SF3B3: variants seen among roughly 807,000 people sequenced by gnomAD.
SF3B3 encodes splicing factor 3b subunit 3.
SF3B3 carries 33 observed loss-of-function variants against 139.2 expected under a neutral mutation model. That is an observed-to-expected ratio of 0.24 (90% CI 0.18 to 0.32). SF3B3 has a LOEUF of 0.32. Ranked by LOEUF, SF3B3 falls within the 10% of genes least tolerant of loss-of-function variation. The pLI is 1.00. For synonymous variants in SF3B3, 596 were observed against 563.6 expected (o/e 1.06, Z -0.81); for missense variants, 818 against 1,509.4 (o/e 0.54, Z 7.59).
intron 16 of SF3B3, chr16:70,561,304 A>G (rs983894974): frequency 5.1e-6 from 1 of 195,010 alleles, no homozygotes. Context: ...TACAGGCATG[A>G]GCCACCGCAC....
At chr16:70,548,707 G>A (rs538415423) in intron 11 of SF3B3, among the ~76,000 whole-genome samples, 6 of 152,318 alleles carry the variant, frequency 3.9e-5, no homozygotes, top group South Asian at 2.1e-4. Flanking sequence ...GCTGTCAAAT[G>A]TGGTATTGAC....
Position 70,535,437 on chromosome 16 carries a change from A to G in SF3B3, c.825+17A>G. 7.3e-7 allele frequency: 1 copy of G among 1,374,992 alleles called. No homozygotes were observed. The highest frequency in any genetic ancestry group is 1.0e-6 in the Non-Finnish European group (1 of 970,710). 85.2% of individuals were successfully genotyped at this position (1,374,992 alleles called of 1,614,324 possible). A position where few individuals can be genotyped will look rare whatever the true frequency, so the allele number is the denominator to read the frequency against. On this transcript the variant is annotated intron_variant, in intron 6 of 25. Coordinates refer to ENST00000302516, the MANE Select transcript of SF3B3 (RefSeq NM_012426.5). Reference sequence around the variant, plus strand: ...AGGAGGCGGGTAAGATCTTTGATATAAGAAGAGAGAGATTTGTGTTTAATT... The same window carrying G: ...AGGAGGCGGGTAAGATCTTTGATATGAGAAGAGAGAGATTTGTGTTTAATT...
Position 70,523,827 on chromosome 16 carries a change from G to A in SF3B3, c.-172G>A. 1 of 564,168 alleles carries A rather than the reference G, an allele frequency of 1.8e-6. No individual in the cohort carries two copies. Among genetic ancestry groups the A allele is most frequent in the East Asian group, 2.9e-5 (1 of 33,902 alleles). 34.9% of individuals were successfully genotyped at this position (564,168 alleles called of 1,614,324 possible). A position where few individuals can be genotyped will look rare whatever the true frequency, so the allele number is the denominator to read the frequency against. On this transcript the variant is annotated 5_prime_UTR_variant, in exon 1 of 26. Transcript: ENST00000302516. The stretch of plus-strand genomic sequence containing the variant: ...CGCGCCACCAGAATGTCCCTGTCTT[G>A]AGGTCTAATGGCGGACGCCAGTATG...
At chr16:70,557,413 G>T (rs1597719744) in intron 15 of SF3B3, among the ~76,000 whole-genome samples, 1 of 152,310 alleles carries the variant, frequency 6.6e-6, no homozygotes, top group East Asian at 1.9e-4. Flanking sequence ...TGTCAAAGTT[G>T]CTGAGCTCTT....
intron 5 of SF3B3, among the ~76,000 whole-genome samples, chr16:70,533,399 C>A (rs1009666217): frequency 6.6e-6 from 1 of 151,934 alleles, no homozygotes; most frequent in South Asian, 2.1e-4. Context: ...GCTACTGTGC[C>A]GCTCTCTGAG....
Position 70,572,305 on chromosome 16 carries a change from TC to T in SF3B3, c.*494del. 1 of 326,868 alleles carries T rather than the reference TC, an allele frequency of 3.1e-6. No homozygotes were observed. The highest frequency in any genetic ancestry group is 2.4e-5 in the South Asian group (1 of 41,748). 20.2% of individuals were successfully genotyped at this position (326,868 alleles called of 1,614,324 possible). A position where few individuals can be genotyped will look rare whatever the true frequency, so the allele number is the denominator to read the frequency against. ...AACCTAGTTTTTAAGGTGACTGGCA[TC>T]CATGTGTCTTGTTCTGGAGATGAGG... On this transcript the variant is annotated 3_prime_UTR_variant, in exon 26 of 26. Transcript: ENST00000302516.
intron 20 of SF3B3, chr16:70,565,750 C>T: frequency 2.0e-6 from 1 of 505,354 alleles, no homozygotes; most frequent in Non-Finnish European, 3.5e-6. Context: ...GATAGATGCA[C>T]ATTCAATTGG....
chr16:70,560,633 T>C, intron 16 of SF3B3, 42 bp downstream of exon 16: 2 of 1,604,714 alleles, frequency 1.2e-6, no homozygotes. Flanking sequence ...CTTTGGGATT[T>C]TAGTGGCACC....
At chr16:70,569,880 G>A (rs2050511940) in intron 23 of SF3B3, 126 bp from the exon 24 acceptor site, 1 of 1,029,996 alleles carries the variant, frequency 9.7e-7, no homozygotes, top group Non-Finnish European at 1.4e-6. Context: ...TCCCACGTTG[G>A]CCTCTATAAT....
At chr16:70,537,598 A>G (rs1055291120) in intron 6 of SF3B3, among the ~76,000 whole-genome samples, 8 of 152,260 alleles carry the variant, frequency 5.3e-5, no homozygotes, top group Admixed American at 6.5e-5. Flanking sequence ...GCAATTTTAG[A>G]AAACCTTAGA....
chr16:70,556,358 G>A (rs757144343), intron 14 of SF3B3, 24 bp downstream of exon 14: 15 of 1,613,720 alleles, frequency 9.3e-6, no homozygotes, highest in Admixed American at 1.7e-5. Context: ...TGAGCTTCAA[G>A]GATCATCTGG....
chr16:70,561,389 AG>A, intron 16 of SF3B3: 1 of 389,104 alleles, frequency 2.6e-6, no homozygotes, highest in Non-Finnish European at 4.6e-6. Flanking sequence ...ACGTGGAAGC[AG>A]GCTTAGAGAG....
intron 10 of SF3B3, among the ~76,000 whole-genome samples, chr16:70,547,612 G>A (rs2050280736): frequency 1.3e-5 from 2 of 151,690 alleles, no homozygotes; most frequent in South Asian, 2.1e-4. Context: ...CTTTTTTTTG[G>A]AGACGGAGTC....
intron 15 of SF3B3, among the ~76,000 whole-genome samples, chr16:70,559,956 G>C (rs1416679415): frequency 2.0e-5 from 3 of 151,970 alleles, no homozygotes; most frequent in Non-Finnish European, 4.4e-5. Flanking sequence ...CTAGAAAAGT[G>C]GGAATTTCTA....
At chr16:70,545,945 A>G (rs1458543946) in intron 10 of SF3B3, among the ~76,000 whole-genome samples, 1 of 152,130 alleles carries the variant, frequency 6.6e-6, no homozygotes, top group South Asian at 2.1e-4. Context: ...AATGACTCAG[A>G]CCCAATTTAG....
At position 70,572,232 on chromosome 16, in the gene SF3B3, T is replaced by G. The variant is rs2050536476; in HGVS notation, c.*419T>G. On this transcript the variant is annotated 3_prime_UTR_variant, in exon 26 of 26. Coordinates refer to ENST00000302516, the MANE Select transcript of SF3B3 (RefSeq NM_012426.5). ...GGCTGTGGTGGGACTGGGTAGGGTA[T>G]AGTATCACTCCTGAGTTCCACTGCT... The G allele has an allele frequency of 2.4e-6, 1 of 422,652 alleles. No individual in the cohort carries two copies. The highest frequency in any genetic ancestry group is 4.7e-6 in the Non-Finnish European group (1 of 212,440). 26.2% of individuals were successfully genotyped at this position (422,652 alleles called of 1,614,324 possible).
In SF3B3 at chr16:70,572,174, G is replaced by A. The variant is rs1316697499; in HGVS notation, c.*361G>A. ...TTGGTTTTCTTGTAAATACAGTTTTGTACAATGTTATCTCTGTGGGAGGAA... is the reference window on the plus strand; with the variant it reads ...TTGGTTTTCTTGTAAATACAGTTTTATACAATGTTATCTCTGTGGGAGGAA... On this transcript the variant is annotated 3_prime_UTR_variant, in exon 26 of 26. Transcript: ENST00000302516. 3 of 472,058 alleles carry A rather than the reference G, an allele frequency of 6.4e-6. No individual in the cohort carries two copies. Among genetic ancestry groups the A allele is most frequent in the Non-Finnish European group, 8.4e-6 (2 of 237,490 alleles). The allele number at this position is 472,058 out of a possible 1,614,324, so 29.2% of individuals were successfully genotyped here.
intron 10 of SF3B3, among the ~76,000 whole-genome samples, chr16:70,544,912 G>T (rs1294038841): frequency 2.0e-5 from 3 of 152,134 alleles, no homozygotes; most frequent in Non-Finnish European, 4.4e-5. Flanking sequence ...CACTAGTCAT[G>T]ACATGGAGGC....
At chr16:70,560,395 C>T in intron 15 of SF3B3, 74 bp from the exon 16 acceptor site, 1 of 1,528,422 alleles carries the variant, frequency 6.5e-7, no homozygotes, top group Non-Finnish European at 8.9e-7. Flanking sequence ...ATGTGAAGTA[C>T]CCAAGGGAGA....
Sources: allele counts gnomAD v4.1 joint callset (sites outside exome capture counted in the v4.1 genomes callset), GRCh38; gene constraint gnomAD v4.1.1; transcripts MANE v1.5; gene names NCBI Gene and HGNC (gene_info 2026-07-23, HGNC 2026-07-21).